Variants in RAB5A observed in about 807,000 individuals in gnomAD.
RAB5A encodes RAB5A, member RAS oncogene family.
In RAB5A, 8 loss-of-function variants were observed where a neutral mutation model predicts 25.7. The observed-to-expected ratio is 0.31, with a 90% confidence interval of 0.18 to 0.56. The LOEUF (loss-of-function observed/expected upper bound fraction) is 0.56. Among genes scored for constraint, RAB5A ranks in the 20% least tolerant of loss-of-function variants. The pLI, the probability that RAB5A is intolerant of heterozygous loss-of-function variation, is 0.91. For missense variants in RAB5A, 192 were observed against 259.7 expected, an observed-to-expected ratio of 0.74 and a Z score of 1.79; for synonymous variants, 98 against 89.8, an observed-to-expected ratio of 1.09 and a Z score of -0.52.
intron 2 of RAB5A, among the ~76,000 whole-genome samples, chr3:19,959,168 T>A (rs539692382): frequency 6.6e-6 from 1 of 152,316 alleles, no homozygotes; most frequent in South Asian, 2.1e-4. Flanking sequence ...CAAATAGCTC[T>A]TAGTGAACTG....
At chr3:19,977,447 T>A (rs1214898117) in intron 4 of RAB5A, among the ~76,000 whole-genome samples, 1 of 152,238 alleles carries the variant, frequency 6.6e-6, no homozygotes, top group Non-Finnish European at 1.5e-5. Flanking sequence ...TTGTGGCTGT[T>A]CTGTATATAT....
chr3:19,968,441 A>T (rs1696690760), intron 2 of RAB5A, among the ~76,000 whole-genome samples: 1 of 152,124 alleles, frequency 6.6e-6, no homozygotes, highest in Non-Finnish European at 1.5e-5. Flanking sequence ...TGTTTTCTTT[A>T]CATTCTTTCC....
At position 19,951,703 on chromosome 3, in the gene RAB5A, T is replaced by TTTTTTTTTTTC. The variant is rs1553638060; in HGVS notation, c.163+652_163+653insCTTTTTTTTTT. ...GTGCATGCCACCATGCCAGGCAAGT[T>TTTTTTTTTTTC]TTTTTTTTTTTTTTTTAAGAGTCAG... On this transcript the variant is annotated intron_variant, in intron 2 of 5. Coordinates refer to ENST00000273047, the MANE Select transcript of RAB5A (RefSeq NM_004162.5). Among the ~76,000 whole-genome samples the TTTTTTTTTTTC allele has an allele frequency of 3.7e-4, 28 of 76,038 alleles. 2 individuals are homozygous for TTTTTTTTTTTC. Among genetic ancestry groups the TTTTTTTTTTTC allele is most frequent in the Non-Finnish European group, 5.3e-4 (15 of 28,044 alleles). 49.9% of individuals were successfully genotyped at this position (76,038 alleles called of 152,430 possible).
chr3:19,983,983 T>A lies in RAB5A; in HGVS notation c.*160T>A. 1.7e-6 allele frequency: 1 copy of A among 592,098 alleles called. No homozygotes were observed. The highest frequency in any genetic ancestry group is 3.0e-6 in the Non-Finnish European group (1 of 329,590). 36.7% of individuals were successfully genotyped at this position (592,098 alleles called of 1,614,324 possible). ...TTATTTTAAGTGTTTTGAACTTAAT[T>A]TTTAATAACATGCATGGGTCCCTCT... On this transcript the variant is annotated 3_prime_UTR_variant, in exon 6 of 6. Transcript: ENST00000273047.
At chr3:19,947,771 C>T (rs529638299) in intron 1 of RAB5A, 5 of 152,442 alleles carry the variant, frequency 3.3e-5, no homozygotes, top group African/African-American at 9.6e-5. Context: ...TCACCCTTTC[C>T]CTTCTCAAGA....
chr3:19,947,278 G>GCGGCGGCGGCGT lies in RAB5A; in HGVS notation c.-328_-327insCGTCGGCGGCGG. On this transcript the variant is annotated 5_prime_UTR_variant, in exon 1 of 6. Transcript: ENST00000273047. Reference sequence around the variant, plus strand: ...CGGAACTCCAGCGCCGGCGGCGGCGGCGGCGGCGGAGGAGGAGAAAGGAAA... The same window carrying GCGGCGGCGGCGT: ...CGGAACTCCAGCGCCGGCGGCGGCGGCGGCGGCGGCGTCGGCGGCGGAGGAGGAGAAAGGAAA... The GCGGCGGCGGCGT allele has an allele frequency of 4.7e-6, 1 of 211,464 alleles. No homozygotes were observed. Among genetic ancestry groups the GCGGCGGCGGCGT allele is most frequent in the Non-Finnish European group, 9.1e-6 (1 of 110,100 alleles). The allele number at this position is 211,464 out of a possible 1,614,324, so 13.1% of individuals were successfully genotyped here.
intron 2 of RAB5A, among the ~76,000 whole-genome samples, chr3:19,960,074 T>C (rs1249118114): frequency 6.6e-6 from 1 of 152,182 alleles, no homozygotes; most frequent in Non-Finnish European, 1.5e-5. Context: ...AGAATAAGAA[T>C]TCTTACTTGA....
At chr3:19,954,978 G>C (rs1436572465) in intron 2 of RAB5A, among the ~76,000 whole-genome samples, 2 of 152,168 alleles carry the variant, frequency 1.3e-5, no homozygotes, top group African/African-American at 4.8e-5. Flanking sequence ...TGTTTCTATT[G>C]TTGGTCTAAA....
At chr3:19,966,262 C>T (rs1337970124) in intron 2 of RAB5A, among the ~76,000 whole-genome samples, 1 of 152,198 alleles carries the variant, frequency 6.6e-6, no homozygotes, top group Non-Finnish European at 1.5e-5. Flanking sequence ...ACTCTAGCTA[C>T]CTCACATAAA....
At position 19,950,819 on chromosome 3, in the gene RAB5A, C is replaced by T; in HGVS notation, c.-80C>T. 1 of 1,399,650 alleles carries T rather than the reference C, an allele frequency of 7.1e-7. No individual in the cohort carries two copies. The highest frequency in any genetic ancestry group is 9.6e-7 in the Non-Finnish European group (1 of 1,038,340). The allele number at this position is 1,399,650 out of a possible 1,614,324, so 86.7% of individuals were successfully genotyped here. ...GTTTCTTTACAGGTTTCTTTACCTC[C>T]AGAAAGAAGAATATTGGCCCCTTGA... On this transcript the variant is annotated 5_prime_UTR_variant, in exon 2 of 6. Coordinates refer to ENST00000273047, the MANE Select transcript of RAB5A (RefSeq NM_004162.5).
At position 19,984,173 on chromosome 3, in the gene RAB5A, G is replaced by GA. The variant is rs34961993; in HGVS notation, c.*359dup. On this transcript the variant is annotated 3_prime_UTR_variant, in exon 6 of 6. Coordinates refer to ENST00000273047, the MANE Select transcript of RAB5A (RefSeq NM_004162.5). ...CCACACTGGTACAGTAGTCACCTGT[G>GA]AAAAAAAAATTGGAACTTACTAATT... The GA allele has an allele frequency of 0.62, 245,120 of 394,218 alleles. 76,690 individuals carry two copies. Among genetic ancestry groups the GA allele is most frequent in the Non-Finnish European group, 0.71 (145,016 of 203,406 alleles). The allele number at this position is 394,218 out of a possible 1,614,324, so 24.4% of individuals were successfully genotyped here. A position where few individuals can be genotyped will look rare whatever the true frequency, so the allele number is the denominator to read the frequency against.
chr3:19,973,126 AC>A (rs1417161296), intron 2 of RAB5A, among the ~76,000 whole-genome samples: 1 of 152,234 alleles, frequency 6.6e-6, no homozygotes, highest in Non-Finnish European at 1.5e-5. Context: ...GGTTATATAC[AC>A]ATACTTTGCA....
Position 19,983,902 on chromosome 3 carries a change from C to T in RAB5A, c.*79C>T. On this transcript the variant is annotated 3_prime_UTR_variant, in exon 6 of 6. Transcript: ENST00000273047. The stretch of plus-strand genomic sequence containing the variant: ...AATGGAATTGGAGCATTTAACCAGC[C>T]CAGTATGACTTCCAAAAGAAGAGAC... 2.2e-6 allele frequency: 2 copies of T among 919,964 alleles called. No individual in the cohort carries two copies. Among genetic ancestry groups the T allele is most frequent in the Non-Finnish European group, 3.4e-6 (2 of 595,354 alleles). The allele number at this position is 919,964 out of a possible 1,614,324, so 57.0% of individuals were successfully genotyped here.
chr3:19,947,216 G>C lies in RAB5A; in HGVS notation c.-399G>C, dbSNP rs1018023974. On this transcript the variant is annotated 5_prime_UTR_variant, in exon 1 of 6. Coordinates refer to ENST00000273047, the MANE Select transcript of RAB5A (RefSeq NM_004162.5). The stretch of plus-strand genomic sequence containing the variant: ...GAAGGAGCCGGCGGCTGGCCTTAGG[G>C]GAGGAGGCAGAGGGAGGAGGAGGAG... 1 of 169,558 alleles carries C rather than the reference G, an allele frequency of 5.9e-6. No homozygotes were observed. The highest frequency in any genetic ancestry group is 2.4e-5 in the African/African-American group (1 of 41,508). 10.5% of individuals were successfully genotyped at this position (169,558 alleles called of 1,614,324 possible).
Position 19,947,390 on chromosome 3 carries a change from A to AGCGGCGCTAAGAGCAG in RAB5A, c.-221_-206dup, listed in dbSNP as rs955825536. Reference sequence around the variant, plus strand: ...GCCCCGCACAGTCCAGTGTGAGGGGAGCGGCGCTAAGAGCAGGCGACGCCG... The same window carrying AGCGGCGCTAAGAGCAG: ...GCCCCGCACAGTCCAGTGTGAGGGGAGCGGCGCTAAGAGCAGGCGGCGCTAAGAGCAGGCGACGCCG... On this transcript the variant is annotated 5_prime_UTR_variant, in exon 1 of 6. Transcript: ENST00000273047. The AGCGGCGCTAAGAGCAG allele has an allele frequency of 1.9e-5, 3 of 157,910 alleles. No homozygotes were observed. The highest frequency in any genetic ancestry group is 7.3e-5 in the African/African-American group (3 of 41,340). 9.8% of individuals were successfully genotyped at this position (157,910 alleles called of 1,614,324 possible).
chr3:19,952,527 T>G (rs1696438649), intron 2 of RAB5A, among the ~76,000 whole-genome samples: 1 of 152,254 alleles, frequency 6.6e-6, no homozygotes, highest in Non-Finnish European at 1.5e-5. Context: ...TCTGCAAATA[T>G]ACTTGAGAAT....
rs143279232 is a variant in RAB5A, at chr3:19,984,058, T to C, written c.*235T>C. The C allele has an allele frequency of 8.6e-6, 4 of 462,928 alleles. No homozygotes were observed. The highest frequency in any genetic ancestry group is 1.6e-5 in the Non-Finnish European group (4 of 251,784). 28.7% of individuals were successfully genotyped at this position (462,928 alleles called of 1,614,324 possible). On this transcript the variant is annotated 3_prime_UTR_variant, in exon 6 of 6. Coordinates refer to ENST00000273047, the MANE Select transcript of RAB5A (RefSeq NM_004162.5). ...AAATGAGAACTATGTGGACACTTGTTTCATTGGAAGGTTAGGGGGAATAAT... is the reference window on the plus strand; with the variant it reads ...AAATGAGAACTATGTGGACACTTGTCTCATTGGAAGGTTAGGGGGAATAAT...
chr3:19,970,652 A>G lies in RAB5A; in HGVS notation c.164-4949A>G, dbSNP rs1360327169. ...AAGTGAAGAGAAAATGAAGCGGTCT[A>G]AGAGTGATGGTTCTTAGCCAGAAAA... On this transcript the variant is annotated intron_variant, in intron 2 of 5. Coordinates refer to ENST00000273047, the MANE Select transcript of RAB5A (RefSeq NM_004162.5). 6.4e-4 allele frequency: 288 copies of G among 452,890 alleles called. 2 individuals are homozygous for G. Among genetic ancestry groups the G allele is most frequent in the South Asian group, 4.1e-3 (264 of 63,920 alleles). 28.1% of individuals were successfully genotyped at this position (452,890 alleles called of 1,614,324 possible).
intron 2 of RAB5A, among the ~76,000 whole-genome samples, chr3:19,955,122 T>G (rs1237737800): frequency 6.6e-6 from 1 of 152,220 alleles, no homozygotes; most frequent in Non-Finnish European, 1.5e-5. Flanking sequence ...AAGACATTTA[T>G]GTGATATTTA....
Sources: gnomAD v4.1 joint callset for allele counts (sites outside exome capture counted in the v4.1 genomes callset) on GRCh38, gnomAD v4.1.1 for gene constraint, MANE v1.5 for transcripts, NCBI Gene and HGNC (gene_info 2026-07-23, HGNC 2026-07-21) for gene names.